Variants in RAB11FIP3 observed in about 807,000 individuals in gnomAD.
RAB11FIP3 encodes rab11 family-interacting protein 3.
RAB11FIP3 carries 17 observed loss-of-function variants against 77.8 expected under a neutral mutation model. The ratio of observed to expected loss-of-function variants is 0.22; its 90% CI spans 0.15 to 0.33. RAB11FIP3 has a LOEUF of 0.33. RAB11FIP3 is among the 10% of genes least tolerant of loss of function. The probability of loss-of-function intolerance (pLI) is 1.00; values close to 1 mark genes in which losing one functional copy is unlikely to be tolerated. For synonymous variants in RAB11FIP3, 437 were observed against 448.2 expected (o/e 0.98, Z 0.31); for missense variants, 1,005 against 1,011.2 (o/e 0.99, Z 0.08).
Position 471,319 on chromosome 16 carries a change from G to A in RAB11FIP3, c.833G>A (p.Gly278Asp). The change falls in exon 3 of 14, where the codon GGT becomes GAT. Residue 278 changes from glycine to aspartate, a missense_variant. By Grantham distance (94) the Gly-to-Asp change is moderately conservative (BLOSUM62 -1). Around this residue, in one of 4 missense-constraint regions of RAB11FIP3, gnomAD observed 466 missense variants for 408.3 expected, o/e 1.14. Coordinates refer to ENST00000262305, the MANE Select transcript of RAB11FIP3 (RefSeq NM_014700.4). This position sits in a 1 kb window ranked among gnomAD's most constrained non-coding sequence, Gnocchi z 4.4. ...GATCCTGATGGCCAGTGCTACGGTGGTGTCGCTTCTGCCCAAGATGAGGAG... is the reference window on the plus strand; with the variant it reads ...GATCCTGATGGCCAGTGCTACGGTGATGTCGCTTCTGCCCAAGATGAGGAG... The part of the protein sequence containing the change: ...NGDPDGQCYG[G>D]VASAQDEEPL... 1.2e-6 allele frequency: 2 copies of A among 1,614,032 alleles called. No homozygotes were observed. Among genetic ancestry groups the A allele is most frequent in the Non-Finnish European group, 1.7e-6 (2 of 1,179,936 alleles).
chr16:510,913 C>T, intron 9 of RAB11FIP3, 113 bp downstream of exon 9: 2 of 1,360,996 alleles, frequency 1.5e-6, no homozygotes, highest in Admixed American at 2.7e-5. Context: ...AGGTTCCCGA[C>T]AGCCCGCCAA....
intron 1 of RAB11FIP3, among the ~76,000 whole-genome samples, chr16:448,911 G>A (rs2055362427): frequency 6.6e-6 from 1 of 150,962 alleles, no homozygotes; most frequent in Non-Finnish European, 1.5e-5. Flanking sequence ...GTGAAACTCT[G>A]TCTAAAAAAA....
chr16:455,595 T>C (rs914286056), intron 1 of RAB11FIP3, among the ~76,000 whole-genome samples: 3 of 151,824 alleles, frequency 2.0e-5, no homozygotes, highest in Non-Finnish European at 4.4e-5. Flanking sequence ...ACTGTTTTTG[T>C]TGTTGTTGTT....
intron 7 of RAB11FIP3, 121 bp downstream of exon 7, chr16:503,218 C>T: frequency 4.3e-6 from 3 of 691,286 alleles, no homozygotes; most frequent in Non-Finnish European, 7.1e-6. Context: ...CCCATGTCCT[C>T]CAGGGCTCCC....
chr16:501,389 G>T (rs1243094848), intron 6 of RAB11FIP3, among the ~76,000 whole-genome samples: 11 of 146,966 alleles, frequency 7.5e-5, no homozygotes, highest in Admixed American at 6.8e-4. Context: ...CTCGGAGAGG[G>T]TCTCCCATTT....
chr16:486,159 C>T (rs1350810713), intron 4 of RAB11FIP3, among the ~76,000 whole-genome samples: 1 of 152,192 alleles, frequency 6.6e-6, no homozygotes, highest in African/African-American at 2.4e-5. Flanking sequence ...CCTCCTTGGC[C>T]TCCCAAAATG....
rs564408108 is a variant in RAB11FIP3 at position 520,351 on chromosome 16, G to A, written c.2016+74G>A. 6.5e-5 allele frequency: 102 copies of A among 1,575,144 alleles called. 1 individual carries two copies. The highest frequency in any genetic ancestry group is 2.4e-4 in the South Asian group (21 of 86,738). On this transcript the variant is annotated intron_variant, in intron 12 of 13. Transcript: ENST00000262305. ...CAAGACTGGTTGGGAAGGGGGGGCC[G>A]TGGAGGGTCAGCATCTGAGCTGGAG...
At chr16:463,492 G>A (rs2141657981) in intron 2 of RAB11FIP3, among the ~76,000 whole-genome samples, 1 of 130,812 alleles carries the variant, frequency 7.6e-6, no homozygotes, top group Non-Finnish European at 1.6e-5. Flanking sequence ...AAGCTGAAGT[G>A]CAATGGCATG....
intron 1 of RAB11FIP3, among the ~76,000 whole-genome samples, chr16:458,973 T>C (rs2055557096): frequency 1.3e-5 from 2 of 152,216 alleles, no homozygotes; most frequent in South Asian, 4.1e-4. Flanking sequence ...TCTGGTGACA[T>C]CTGTGCCTCA....
chr16:448,208 T>C (rs376291845), intron 1 of RAB11FIP3, among the ~76,000 whole-genome samples: 1 of 151,862 alleles, frequency 6.6e-6, no homozygotes, highest in African/African-American at 2.4e-5. Flanking sequence ...TCCCAGCTAC[T>C]TGGGAGGCTG....
chr16:456,698 A>G (rs1199841143), intron 1 of RAB11FIP3, among the ~76,000 whole-genome samples: 2 of 152,170 alleles, frequency 1.3e-5, no homozygotes, highest in African/African-American at 2.4e-5. Flanking sequence ...CGGAGGTTGT[A>G]GTGAGCTGAG....
intron 1 of RAB11FIP3, among the ~76,000 whole-genome samples, chr16:441,940 G>T (rs573965828): frequency 1.3e-5 from 2 of 152,158 alleles, no homozygotes; most frequent in Admixed American, 1.3e-4. Flanking sequence ...CCAGGTTCAC[G>T]CCATTCTCCT....
At chr16:500,001 C>T (rs1471321200) in intron 6 of RAB11FIP3, among the ~76,000 whole-genome samples, 3 of 152,362 alleles carry the variant, frequency 2.0e-5, no homozygotes, top group East Asian at 1.9e-4. Context: ...CTCAGCCCTT[C>T]GCGCTGAACT....
Position 426,377 on chromosome 16 carries a change from C to A in RAB11FIP3, c.371C>A (p.Ser124Tyr). The A allele has an allele frequency of 1.3e-6, 2 of 1,574,250 alleles. No homozygotes were observed. Among genetic ancestry groups the A allele is most frequent in the East Asian group, 2.3e-5 (1 of 42,780 alleles). Reference sequence around the variant, plus strand: ...CTTCCAGAACTCGACCCGTTGTTCTCCTGGACTGAGGAGCCCGAGGAGTGT... The same window carrying A: ...CTTCCAGAACTCGACCCGTTGTTCTACTGGACTGAGGAGCCCGAGGAGTGT... ...APLPELDPLF[S>Y]WTEEPEECGP... The change falls in exon 1 of 14, where the codon TCC (serine) becomes TAC (tyrosine). Residue 124 changes from serine (S) to tyrosine (Y), a missense_variant. By Grantham distance (144) the Ser-to-Tyr change is moderately radical. Coordinates refer to ENST00000262305, the MANE Select transcript of RAB11FIP3 (RefSeq NM_014700.4). This position sits in a 1 kb window ranked among gnomAD's most constrained non-coding sequence, Gnocchi z 5.0.
chr16:482,388 A>C, intron 3 of RAB11FIP3, 137 bp from the exon 4 acceptor site: 2 of 812,288 alleles, frequency 2.5e-6, no homozygotes, highest in Non-Finnish European at 4.3e-6. Context: ...GTCTCTGCTT[A>C]GAGACAGTTG....
At chr16:497,145 A>G in intron 6 of RAB11FIP3, 1 of 688,368 alleles carries the variant, frequency 1.5e-6, no homozygotes, top group Non-Finnish European at 2.2e-6. Flanking sequence ...CCATCCCCAG[A>G]TGTCTGCTCT....
At chr16:500,497 A>G (rs1181586477) in intron 6 of RAB11FIP3, among the ~76,000 whole-genome samples, 1 of 151,976 alleles carries the variant, frequency 6.6e-6, no homozygotes, top group East Asian at 1.9e-4. Flanking sequence ...CCTGGCCAAC[A>G]TAGTGAAACC....
rs368579079 is a variant in RAB11FIP3, at chr16:472,472, G to A, written c.903+1083G>A. On this transcript the variant is annotated intron_variant, in intron 3 of 13. Transcript: ENST00000262305. The surrounding 1 kb of genome is among the most constrained non-coding windows in gnomAD (Gnocchi z 4.1). Reference sequence around the variant, plus strand: ...CGTGTGGTGGGAGTTGGACCCTCTCGCATGGCTGCAGTGTGCAGAACGTGC... The same window carrying A: ...CGTGTGGTGGGAGTTGGACCCTCTCACATGGCTGCAGTGTGCAGAACGTGC... Among the ~76,000 whole-genome samples the A allele has an allele frequency of 2.8e-4, 42 of 152,308 alleles. 1 individual carries two copies. The highest frequency in any genetic ancestry group is 7.7e-4 in the African/African-American group (32 of 41,564).
rs56706849 is a variant in RAB11FIP3, at chr16:445,113, C to CAAAAA, written c.715-16277_715-16273dup. Among the ~76,000 whole-genome samples, 44 of 70,776 alleles carry CAAAAA rather than the reference C, an allele frequency of 6.2e-4. 1 individual carries two copies. Among genetic ancestry groups the CAAAAA allele is most frequent in the East Asian group, 2.5e-3 (6 of 2,428 alleles). 46.4% of individuals were successfully genotyped at this position (70,776 alleles called of 152,430 possible). On this transcript the variant is annotated intron_variant, in intron 1 of 13. Coordinates refer to ENST00000262305, the MANE Select transcript of RAB11FIP3 (RefSeq NM_014700.4). ...TGGGTGACAGAGCGAGACTCTGTCT[C>CAAAAA]AAAAAAAAAAAAAAAAAAGAAAAAA...
Sources: gnomAD v4.1 joint callset for allele counts (sites outside exome capture counted in the v4.1 genomes callset) on GRCh38, gnomAD v4.1.1 for gene constraint, gnomAD v4.1.1 regional missense constraint, Gnocchi (gnomAD v3.1) non-coding constraint, MANE v1.5 for transcripts, NCBI Gene and HGNC (gene_info 2026-07-23, HGNC 2026-07-21) for gene names.